Variants in STS observed in about 807,000 individuals in gnomAD.
STS encodes the protein steroid sulfatase.
In STS, 7 loss-of-function variants were observed where a neutral mutation model predicts 26.8. The observed-to-expected ratio is 0.26, with a 90% CI of 0.15 to 0.49. The LOEUF (loss-of-function observed/expected upper bound fraction) is 0.49. STS is among the 20% of genes least tolerant of loss of function. The pLI, the probability that STS is intolerant of heterozygous loss-of-function variation, is 0.98. For synonymous variants in STS, 199 were observed against 189.4 expected, an observed-to-expected ratio of 1.05 and a Z score of -0.42; for missense variants, 434 against 465.6, an observed-to-expected ratio of 0.93 and a Z score of 0.63.
chrX:7,334,537 C>T lies in STS; in HGVS notation c.1363+430C>T, dbSNP rs543851444. ...GCTCTTCTCCTGGAAGGATGTCTTG[C>T]CTCATCCTTCTTGGAGGGTACTCCT... On this transcript the variant is annotated intron_variant, in intron 10 of 10. Coordinates refer to ENST00000674429, the MANE Select transcript of STS (RefSeq NM_001320752.2). Among the ~76,000 whole-genome samples, 13 of 111,963 alleles carry T rather than the reference C, an allele frequency of 1.2e-4. No homozygotes were observed. In the South Asian group the frequency reaches 4.9e-3, roughly 42 times the overall value.
intron 2 of STS, among the ~76,000 whole-genome samples, chrX:7,227,179 G>T (rs1488955613): frequency 3.6e-5 from 4 of 110,779 alleles, no homozygotes; most frequent in African/African-American, 1.3e-4. Flanking sequence ...ACATATTCTG[G>T]ATATAAATCC....
intron 2 of STS, among the ~76,000 whole-genome samples, chrX:7,224,811 C>A (rs1407678907): frequency 8.9e-6 from 1 of 112,489 alleles, no homozygotes; most frequent in Non-Finnish European, 1.9e-5. Flanking sequence ...TGGGTCTAAT[C>A]GTCTGTGGTT....
chrX:7,198,596 T>C (rs928162824), intron 2 of STS, among the ~76,000 whole-genome samples: 1 of 111,954 alleles, frequency 8.9e-6, no homozygotes, highest in African/African-American at 3.2e-5. Flanking sequence ...GCTGTTACCA[T>C]TTTTGTTTCC....
chrX:7,147,653 C>A (rs1335945362), upstream of STS, among the ~76,000 whole-genome samples: 1 of 112,076 alleles, frequency 8.9e-6, no homozygotes, highest in African/African-American at 3.2e-5. Context: ...GGCTGGGCAC[C>A]GCTCAAGGTC....
intron 2 of STS, among the ~76,000 whole-genome samples, chrX:7,220,186 A>G (rs1344812778): frequency 9.0e-6 from 1 of 111,337 alleles, no homozygotes; most frequent in East Asian, 2.8e-4. Context: ...GAGTTTGTCT[A>G]TGGGCTGTCG....
At position 7,148,074 on chromosome X, in the gene STS, C is replaced by G; in HGVS notation, c.-143C>G. 1 of 1,139,140 alleles carries G rather than the reference C, an allele frequency of 8.8e-7. No homozygotes were observed. The highest frequency in any genetic ancestry group is 1.2e-6 in the Non-Finnish European group (1 of 857,940). 93.9% of individuals were successfully genotyped at this position (1,139,140 alleles called of 1,213,427 possible). A position where few individuals can be genotyped will look rare whatever the true frequency, so the allele number is the denominator to read the frequency against. On this transcript the variant is annotated 5_prime_UTR_variant, in exon 1 of 11. It introduces an in-frame stop codon into an upstream open reading frame of the 5' UTR. Coordinates refer to ENST00000674429, the MANE Select transcript of STS (RefSeq NM_001320752.2). ...CCACCCAGAAGAAGTCCGTCCATGT[C>G]AAAGATGAGGTGGGTGACGGGCTGC...
At chrX:7,291,053 T>C (rs1364263169) in intron 7 of STS, among the ~76,000 whole-genome samples, 1 of 111,765 alleles carries the variant, frequency 8.9e-6, no homozygotes, top group Non-Finnish European at 1.9e-5. Context: ...TGTTCGAGTC[T>C]TGTGACCTTT....
intron 2 of STS, among the ~76,000 whole-genome samples, chrX:7,218,960 G>T (rs1921424762): frequency 9.0e-6 from 1 of 111,490 alleles, no homozygotes; most frequent in African/African-American, 3.3e-5. Flanking sequence ...TCACTTGAGG[G>T]TCTCTCAGGC....
At chrX:7,206,412 G>C (rs1306243121) in intron 2 of STS, among the ~76,000 whole-genome samples, 1 of 111,939 alleles carries the variant, frequency 8.9e-6, no homozygotes, top group Non-Finnish European at 1.9e-5. Context: ...GTTCTATTTT[G>C]TTCTCTAAAT....
At chrX:7,168,269 G>A (rs1601625529) in intron 1 of STS, among the ~76,000 whole-genome samples, 2 of 111,260 alleles carry the variant, frequency 1.8e-5, no homozygotes, top group African/African-American at 3.3e-5. Context: ...AGGGAAAAAT[G>A]TGTTCTGAGA....
chrX:7,326,645 G>GTGT (rs1198957116), intron 9 of STS, among the ~76,000 whole-genome samples: 4 of 112,475 alleles, frequency 3.6e-5, no homozygotes, highest in Admixed American at 1.9e-4. Context: ...TTCTTCCTAA[G>GTGT]TGTTATTACC....
chrX:7,148,134 G>A (rs980809109), intron 1 of STS, 51 bp downstream of exon 1: 13 of 1,095,110 alleles, frequency 1.2e-5, no homozygotes, highest in Non-Finnish European at 1.5e-5. Flanking sequence ...TCTGGGTCTG[G>A]GTGGGGGCGA....
chrX:7,155,327 A>G (rs538956981), intron 1 of STS, among the ~76,000 whole-genome samples: 3 of 112,049 alleles, frequency 2.7e-5, no homozygotes, highest in Admixed American at 9.5e-5. Flanking sequence ...CTCACCACCA[A>G]CTTTCTTGAA....
In STS at chrX:7,301,298, G is replaced by C. The variant is rs756808751; in HGVS notation, c.944-3748G>C. 6.2e-3 allele frequency among the ~76,000 whole-genome samples: 678 copies of C among 110,027 alleles called. 2 individuals are homozygous for C. Among genetic ancestry groups the C allele is most frequent in the Middle Eastern group, 9.4e-3 (2 of 212 alleles). On this transcript the variant is annotated intron_variant, in intron 7 of 10. Coordinates refer to ENST00000674429, the MANE Select transcript of STS (RefSeq NM_001320752.2). ...TCCCAGCTACTTAGGAGGCTGAGGT[G>C]GGAGGATCACTTCAGCCCAAGAAGT...
intron 9 of STS, among the ~76,000 whole-genome samples, chrX:7,333,478 T>C (rs1360009239): frequency 8.9e-6 from 1 of 112,229 alleles, no homozygotes; most frequent in Non-Finnish European, 1.9e-5. Context: ...AGGAGAAATT[T>C]GCATTCATTG....
chrX:7,267,169 C>T (rs762228533), intron 6 of STS, among the ~76,000 whole-genome samples: 4 of 111,841 alleles, frequency 3.6e-5, no homozygotes, highest in East Asian at 2.8e-4. Context: ...AGGATTAGTC[C>T]GAGTGAGGAT....
chrX:7,287,429 T>G (rs1249008493), intron 7 of STS, among the ~76,000 whole-genome samples: 1 of 111,259 alleles, frequency 9.0e-6, no homozygotes, highest in African/African-American at 3.3e-5. Flanking sequence ...ATTAATAGTT[T>G]GCTGGATAGA....
intron 6 of STS, among the ~76,000 whole-genome samples, chrX:7,262,650 T>C (rs1320375588): frequency 8.9e-6 from 1 of 111,859 alleles, no homozygotes; most frequent in Non-Finnish European, 1.9e-5. Context: ...GAGGACTGCA[T>C]TTGGAAATTG....
intron 2 of STS, among the ~76,000 whole-genome samples, chrX:7,252,761 T>C (rs892210153): frequency 9.0e-6 from 1 of 111,479 alleles, no homozygotes; most frequent in African/African-American, 3.3e-5. Flanking sequence ...ATGGATGAAT[T>C]CTCTTCCCTC....
Sources: gnomAD v4.1 joint callset for allele counts (sites outside exome capture counted in the v4.1 genomes callset) on GRCh38, gnomAD v4.1.1 for gene constraint, MANE v1.5 for transcripts, NCBI Gene and HGNC (gene_info 2026-07-23, HGNC 2026-07-21) for gene names.